HTR4: variants seen among roughly 807,000 people sequenced by gnomAD.
HTR4 encodes the protein 5-hydroxytryptamine (serotonin) receptor 4, G protein-coupled.
Under a neutral mutation model 36.8 loss-of-function variants are expected in HTR4, and 16 were observed. That is an observed-to-expected ratio of 0.43 (90% CI 0.29 to 0.66). HTR4 has a LOEUF of 0.66. Among genes scored for constraint, HTR4 ranks in the 30% least tolerant of loss-of-function variants. The probability of loss-of-function intolerance (pLI) is 0.13; values close to 1 mark genes in which losing one functional copy is unlikely to be tolerated. For missense variants in HTR4, 438 were observed against 490.9 expected (o/e 0.89, Z 1.02); for synonymous variants, 189 against 185.1 (o/e 1.02, Z -0.17).
At chr5:148,499,222 A>G (rs576256093) in intron 6 of HTR4, among the ~76,000 whole-genome samples, 6 of 152,318 alleles carry the variant, frequency 3.9e-5, no homozygotes, top group Admixed American at 1.3e-4. Context: ...TAAAAATTAG[A>G]TGCAAATGAT....
chr5:148,491,402 A>G (rs1756430425), intron 6 of HTR4, among the ~76,000 whole-genome samples: 1 of 151,992 alleles, frequency 6.6e-6, no homozygotes, highest in African/African-American at 2.4e-5. Context: ...ACCTCCTGGT[A>G]CTGTTGAAAG....
At chr5:148,451,915 A>G (rs1359132988) in intron 5 of HTR4, among the ~76,000 whole-genome samples, 4 of 152,208 alleles carry the variant, frequency 2.6e-5, no homozygotes. Context: ...GGCGAGTCTC[A>G]TCATCAGTTA....
intron 2 of HTR4, among the ~76,000 whole-genome samples, chr5:148,580,149 C>A (rs1389780441): frequency 2.6e-5 from 4 of 151,934 alleles, no homozygotes; most frequent in African/African-American, 9.7e-5. Flanking sequence ...GTGCTCACTG[C>A]AGAGAAAAAG....
At chr5:148,487,469 G>T (rs1227790402) in intron 6 of HTR4, among the ~76,000 whole-genome samples, 1 of 152,116 alleles carries the variant, frequency 6.6e-6, no homozygotes, top group Non-Finnish European at 1.5e-5. Flanking sequence ...TTTCTCAAAG[G>T]TCCAGAGGCT....
intron 2 of HTR4, among the ~76,000 whole-genome samples, chr5:148,587,523 C>G (rs1214473790): frequency 2.6e-5 from 4 of 152,120 alleles, no homozygotes; most frequent in East Asian, 3.9e-4. Context: ...AAGATTCTGC[C>G]TGGGCTGAGC....
chr5:148,650,061 G>A (rs930109830), intron 1 of HTR4, among the ~76,000 whole-genome samples: 1 of 151,686 alleles, frequency 6.6e-6, no homozygotes, highest in African/African-American at 2.4e-5. Context: ...AATTTTTGTG[G>A]GTACATAGTA....
In HTR4 at chr5:148,509,487, T is replaced by C. The variant is rs769095283; in HGVS notation, c.1045A>G (p.Thr349Ala). The C allele has an allele frequency of 1.9e-6, 3 of 1,612,734 alleles. No homozygotes were observed. Among genetic ancestry groups the C allele is most frequent in the African/African-American group, 1.3e-5 (1 of 74,950 alleles). The change falls in exon 6 of 7, where the codon ACA (threonine) becomes GCA (alanine). Residue 349 changes from threonine (T) to alanine (A), a missense_variant. Thr to Ala is a moderately conservative substitution (Grantham distance 58). Transcript: ENST00000377888. Reference protein sequence around the residue: ...ILGQTVPCSTTTINGSTHVLR... With the variant: ...ILGQTVPCSTATINGSTHVLR... ...ACATGTGTGGATCCATTAATGGTTG[T>C]GGTTGAACAAGGGACAGTCTGGCCC...
At chr5:148,607,757 T>C (rs1434369768) in intron 2 of HTR4, among the ~76,000 whole-genome samples, 6 of 152,202 alleles carry the variant, frequency 3.9e-5, no homozygotes, top group Admixed American at 3.9e-4. Context: ...TATTCTATTT[T>C]TCTGTCTGTC....
intron 2 of HTR4, among the ~76,000 whole-genome samples, chr5:148,618,959 A>C (rs1249427713): frequency 6.6e-6 from 1 of 152,222 alleles, no homozygotes; most frequent in African/African-American, 2.4e-5. Flanking sequence ...AGTAGGGTAT[A>C]TCTGGAATAT....
chr5:148,523,062 TAA>T, intron 5 of HTR4, 129 bp downstream of exon 5: 22 of 714,212 alleles, frequency 3.1e-5, no homozygotes, highest in East Asian at 4.0e-5. Context: ...GTGTTAGCTT[TAA>T]AAAAAAAAAT....
chr5:148,606,425 G>A (rs1752166197), intron 2 of HTR4, among the ~76,000 whole-genome samples: 1 of 151,972 alleles, frequency 6.6e-6, no homozygotes, highest in Non-Finnish European at 1.5e-5. Flanking sequence ...AGTTGAAGGT[G>A]TTAATGCAAC....
chr5:148,510,928 G>A (rs759806320), intron 5 of HTR4, among the ~76,000 whole-genome samples: 1 of 152,182 alleles, frequency 6.6e-6, no homozygotes, highest in Non-Finnish European at 1.5e-5. Flanking sequence ...TATAAAGATT[G>A]GGTAGGGCAA....
chr5:148,492,838 C>T lies in HTR4; in HGVS notation c.1077-9545G>A, dbSNP rs1044423685. 4.6e-5 allele frequency among the ~76,000 whole-genome samples: 7 copies of T among 152,280 alleles called. No homozygotes were observed. The South Asian group carries it at 6.2e-4, about 14-fold the overall frequency. On this transcript the variant is annotated intron_variant, in intron 6 of 6. Coordinates refer to ENST00000377888, the MANE Select transcript of HTR4 (RefSeq NM_000870.7). ...CAGACAGGACTGAAACCCAGGTGGG[C>T]CAGATTCCAGCACCTGCAGCCATGG...
intron 5 of HTR4, among the ~76,000 whole-genome samples, chr5:148,471,142 C>T (rs780661663): frequency 2.0e-5 from 3 of 152,162 alleles, no homozygotes; most frequent in Non-Finnish European, 2.9e-5. Flanking sequence ...ACACTGTCTC[C>T]GTGTATGCTG....
At chr5:148,460,102 T>TA (rs1209751829) in intron 5 of HTR4, among the ~76,000 whole-genome samples, 4 of 128,472 alleles carry the variant, frequency 3.1e-5, no homozygotes, top group South Asian at 2.4e-4. Flanking sequence ...AAATTGAAAA[T>TA]AAAAAAAAGA....
intron 4 of HTR4, among the ~76,000 whole-genome samples, chr5:148,545,818 C>T (rs907308656): frequency 6.6e-6 from 1 of 152,194 alleles, no homozygotes; most frequent in African/African-American, 2.4e-5. Flanking sequence ...TGGTCTTGAT[C>T]TTCAATGCAA....
chr5:148,622,142 A>G (rs1290159196), intron 2 of HTR4, among the ~76,000 whole-genome samples: 1 of 152,098 alleles, frequency 6.6e-6, no homozygotes, highest in Non-Finnish European at 1.5e-5. Context: ...CCAATCTAAG[A>G]ACTGCAAATG....
At chr5:148,453,127 T>A (rs1755012719) in intron 5 of HTR4, among the ~76,000 whole-genome samples, 1 of 152,180 alleles carries the variant, frequency 6.6e-6, no homozygotes. Context: ...GAATGCTTCT[T>A]TACCCCTCAG....
chr5:148,648,851 G>C (rs1244720803), intron 1 of HTR4, among the ~76,000 whole-genome samples: 3 of 152,182 alleles, frequency 2.0e-5, no homozygotes, highest in Admixed American at 6.5e-5. Flanking sequence ...AATGTGGAAA[G>C]GGTCATGGAC....
Sources: allele counts gnomAD v4.1 joint callset (sites outside exome capture counted in the v4.1 genomes callset), GRCh38; gene constraint gnomAD v4.1.1; transcripts MANE v1.5; gene names NCBI Gene and HGNC (gene_info 2026-07-23, HGNC 2026-07-21).